Variants in MAF observed in about 807,000 individuals in gnomAD.
The protein encoded by MAF is transcription factor Maf.
A neutral mutation model predicts 22.0 loss-of-function variants in MAF; 10 were observed. The observed-to-expected ratio is 0.45, with a 90% CI of 0.28 to 0.77. The LOEUF is 0.77. MAF is among the 30% of genes least tolerant of loss of function. The pLI, the probability that MAF is intolerant of heterozygous loss-of-function variation, is 0.12. For synonymous variants in MAF, 337 were observed against 255.8 expected (o/e 1.32, Z -3.03); for missense variants, 544 against 548.4 (o/e 0.99, Z 0.08).
At chr16:79,444,718 G>T in the MAF span, among the ~76,000 whole-genome samples, 1 of 152,198 alleles carries the variant, frequency 6.6e-6, no homozygotes, top group Admixed American at 6.5e-5. Context: ...TGGGTGCAGG[G>T]CTCCATGGAG....
the MAF span, among the ~76,000 whole-genome samples, chr16:79,445,595 G>A: frequency 6.6e-6 from 1 of 152,146 alleles, no homozygotes; most frequent in African/African-American, 2.4e-5. Context: ...CCACTGGCCA[G>A]GGCCACTCAC....
the MAF span, among the ~76,000 whole-genome samples, chr16:79,380,360 A>C: frequency 1.3e-5 from 2 of 152,224 alleles, no homozygotes; most frequent in Admixed American, 6.5e-5. Flanking sequence ...TATAACAGTA[A>C]TAATTAACAA....
chr16:79,366,309 A>T, the MAF span, among the ~76,000 whole-genome samples: 5 of 152,366 alleles, frequency 3.3e-5, no homozygotes, highest in African/African-American at 1.2e-4. Flanking sequence ...AAACTTAAGT[A>T]GAGGATAGCA....
At chr16:79,203,743 T>C in the MAF span, 3 of 152,192 alleles carry the variant, frequency 2.0e-5, no homozygotes. Flanking sequence ...GTTTTACCTG[T>C]AGTATGAAGA....
the MAF span, among the ~76,000 whole-genome samples, chr16:79,394,765 G>A: frequency 1.3e-5 from 2 of 152,154 alleles, no homozygotes; most frequent in African/African-American, 4.8e-5. Context: ...CAATTTTTTA[G>A]GTCTGGGGTG....
chr16:79,206,870 T>A, the MAF span: 32 of 152,342 alleles, frequency 2.1e-4, no homozygotes, highest in African/African-American at 7.5e-4. Context: ...ATGCAATTTG[T>A]GGCAAATGTG....
the MAF span, among the ~76,000 whole-genome samples, chr16:79,575,903 T>C: frequency 6.6e-6 from 1 of 152,088 alleles, no homozygotes; most frequent in Non-Finnish European, 1.5e-5. Flanking sequence ...CCATCACAAA[T>C]GTCTGGGTCA....
the MAF span, among the ~76,000 whole-genome samples, chr16:79,431,873 T>A: frequency 6.6e-6 from 1 of 152,164 alleles, no homozygotes; most frequent in Admixed American, 6.5e-5. Context: ...CCTTAGCAAG[T>A]GTTACAGGTT....
the MAF span, among the ~76,000 whole-genome samples, chr16:79,569,519 C>A: frequency 2.0e-5 from 3 of 152,176 alleles, no homozygotes; most frequent in South Asian, 6.2e-4. Flanking sequence ...TCCAATATCA[C>A]CTGGAAACAG....
chr16:79,216,433 A>G, the MAF span, among the ~76,000 whole-genome samples: 1 of 152,198 alleles, frequency 6.6e-6, no homozygotes, highest in Admixed American at 6.5e-5. Context: ...GAACTTTACG[A>G]TGATGTAAAA....
chr16:79,443,056 C>T, the MAF span, among the ~76,000 whole-genome samples: 4 of 152,178 alleles, frequency 2.6e-5, no homozygotes, highest in Non-Finnish European at 5.9e-5. Context: ...TGGGGTCACA[C>T]AAGAAGGAGG....
At chr16:79,537,764 C>G in the MAF span, among the ~76,000 whole-genome samples, 1 of 152,162 alleles carries the variant, frequency 6.6e-6, no homozygotes, top group African/African-American at 2.4e-5. Context: ...AATGAGACAG[C>G]TGTTATCTTT....
At chr16:79,249,518 A>G in the MAF span, among the ~76,000 whole-genome samples, 1 of 151,974 alleles carries the variant, frequency 6.6e-6, no homozygotes, top group South Asian at 2.1e-4. Context: ...GGCCCTCACC[A>G]GACACCAAAT....
chr16:79,423,091 C>T, the MAF span, among the ~76,000 whole-genome samples: 118 of 152,186 alleles, frequency 7.8e-4, 1 homozygote, highest in African/African-American at 2.7e-3. Flanking sequence ...GATAGGGTTG[C>T]CAAGTAAAAT....
chr16:79,234,377 G>A, the MAF span, among the ~76,000 whole-genome samples: 5 of 152,070 alleles, frequency 3.3e-5, no homozygotes, highest in Admixed American at 6.6e-5. Context: ...GAAGAAATAT[G>A]TTCAATATCT....
At chr16:79,487,918 G>T in the MAF span, among the ~76,000 whole-genome samples, 1 of 152,190 alleles carries the variant, frequency 6.6e-6, no homozygotes, top group East Asian at 1.9e-4. Flanking sequence ...ATCTTTCCAC[G>T]CAGGGGATAA....
At chr16:79,399,869 C>G in the MAF span, among the ~76,000 whole-genome samples, 1 of 152,218 alleles carries the variant, frequency 6.6e-6, no homozygotes. Context: ...AACTTTTCAT[C>G]TCTAAAGGAT....
chr16:79,428,210 T>G, the MAF span, among the ~76,000 whole-genome samples: 1 of 146,106 alleles, frequency 6.8e-6, no homozygotes, highest in Non-Finnish European at 1.5e-5. Context: ...TCAGCTACCC[T>G]CACCTCCTCC....
the MAF span, among the ~76,000 whole-genome samples, chr16:79,390,303 G>A: frequency 7.2e-5 from 11 of 151,996 alleles, no homozygotes; most frequent in Middle Eastern, 6.8e-3. Flanking sequence ...TTTTTTCACC[G>A]ACAGAGATGC....
Sources: gnomAD v4.1 joint callset for allele counts (sites outside exome capture counted in the v4.1 genomes callset) on GRCh38, gnomAD v4.1.1 for gene constraint, MANE v1.5 for transcripts, NCBI Gene and HGNC (gene_info 2026-07-23, HGNC 2026-07-21) for gene names.